Variants in PSTPIP1 observed in about 807,000 individuals in gnomAD.
PSTPIP1 encodes the protein proline-serine-threonine phosphatase interacting protein 1, also known as proline-serine-threonine phosphatase-interacting protein 1.
PSTPIP1 carries 66 observed loss-of-function variants against 69.6 expected under a neutral mutation model. The observed-to-expected ratio is 0.95, with a 90% CI of 0.78 to 1.16. The LOEUF is 1.16. Among genes scored for constraint, PSTPIP1 ranks in the 50% most tolerant of loss-of-function variants. PSTPIP1 has a pLI of 0.00. For missense variants in PSTPIP1, 603 were observed against 557.4 expected (o/e 1.08, Z -0.82); for synonymous variants, 266 against 222.7 (o/e 1.19, Z -1.73).
At position 77,030,527 on chromosome 15, in the gene PSTPIP1, G is replaced by A. The variant is rs558627384; in HGVS notation, c.588G>A (p.Ala196=). The A allele has an allele frequency of 2.7e-5, 44 of 1,612,596 alleles. No individual in the cohort carries two copies. The highest frequency in any genetic ancestry group is 3.4e-5 in the Non-Finnish European group (40 of 1,179,558). The change falls in exon 9 of 15, where the codon GCG becomes GCA. Residue 196 remains alanine, a synonymous_variant. Coordinates refer to ENST00000558012, the MANE Select transcript of PSTPIP1 (RefSeq NM_003978.5). ...EAERVYRQSI[A]QLEKVRAEWE... ...AGCGGGTATACAGGCAGAGCATTGC[G>A]CAGCTGGAGAAGGTCCGGGCTGAGT...
chr15:77,028,422 T>C lies in PSTPIP1; in HGVS notation c.418-132T>C, dbSNP rs573679707. On this transcript the variant is annotated intron_variant, in intron 6 of 14. Coordinates refer to ENST00000558012, the MANE Select transcript of PSTPIP1 (RefSeq NM_003978.5). ...TTCCGGACCCCCAGATCCCTGTCCC[T>C]GGTGAGGATGCCCCCACTCCACCCG... The C allele has an allele frequency of 4.5e-6, 3 of 670,100 alleles. No homozygotes were observed. The African/African-American group carries it at 5.5e-5, about 12-fold the overall frequency. The allele number at this position is 670,100 out of a possible 1,614,324, so 41.5% of individuals were successfully genotyped here.
Position 77,024,731 on chromosome 15 carries a change from TCCC to T in PSTPIP1, c.213-552_213-550del, listed in dbSNP as rs2152683317. On this transcript the variant is annotated intron_variant, in intron 3 of 14. Transcript: ENST00000558012. ...CTATGCGCAGTGCTGGGCCCTTCCC[TCCC>T]TCCCTCCCTCCCTCCCTCCCTGGCA... Among the ~76,000 whole-genome samples, 3 of 11,898 alleles carry T rather than the reference TCCC, an allele frequency of 2.5e-4. 1 individual carries two copies. The East Asian group carries it at 0.011, about 45-fold the overall frequency. The allele number at this position is 11,898 out of a possible 152,430, so 7.8% of individuals were successfully genotyped here. A position where few individuals can be genotyped will look rare whatever the true frequency, so the allele number is the denominator to read the frequency against.
intron 1 of PSTPIP1, among the ~76,000 whole-genome samples, chr15:77,003,965 A>C (rs964808560): frequency 6.6e-6 from 1 of 152,256 alleles, no homozygotes; most frequent in African/African-American, 2.4e-5. Context: ...TTGCTGTTTC[A>C]GAATGCCTCC....
chr15:77,024,818 C>T (rs1165872079), intron 3 of PSTPIP1, among the ~76,000 whole-genome samples: 1 of 152,022 alleles, frequency 6.6e-6, no homozygotes, highest in African/African-American at 2.4e-5. Context: ...CACGGCCATC[C>T]AACCTCCTCC....
rs2075554505 is a variant in PSTPIP1 at position 76,995,407 on chromosome 15, G to C, written c.-167G>C. ...GTTGAGCTTTTTCCTCCCCTCAGAA[G>C]CTCCTCTCTGGCTCGTGGCTGCCTT... is the stretch of plus-strand genomic sequence containing the variant. On this transcript the variant is annotated 5_prime_UTR_variant, in exon 1 of 15. Coordinates refer to ENST00000558012, the MANE Select transcript of PSTPIP1 (RefSeq NM_003978.5). The C allele has an allele frequency of 2.0e-6, 3 of 1,468,426 alleles. No individual in the cohort carries two copies. In the African/African-American group the frequency reaches 4.2e-5, roughly 21 times the overall value. 91.0% of individuals were successfully genotyped at this position (1,468,426 alleles called of 1,614,324 possible). A position where few individuals can be genotyped will look rare whatever the true frequency, so the allele number is the denominator to read the frequency against.
intron 3 of PSTPIP1, among the ~76,000 whole-genome samples, chr15:77,020,292 C>A (rs572766839): frequency 6.6e-6 from 1 of 152,242 alleles, no homozygotes; most frequent in East Asian, 1.9e-4. Flanking sequence ...CCTGACTTAT[C>A]CTTTGTGTGG....
At chr15:76,999,124 AG>A (rs745356789) in intron 1 of PSTPIP1, among the ~76,000 whole-genome samples, 25 of 152,202 alleles carry the variant, frequency 1.6e-4, no homozygotes, top group Non-Finnish European at 3.2e-4. Context: ...CACTCCCAGC[AG>A]GTGGCCAAAT....
chr15:77,018,440 T>C lies in PSTPIP1; in HGVS notation c.138-17T>C. The C allele has an allele frequency of 6.4e-7, 1 of 1,566,748 alleles. No homozygotes were observed. The highest frequency in any genetic ancestry group is 8.7e-7 in the Non-Finnish European group (1 of 1,155,368). ...GGCAAGTCACTGATGATCTTTCAAA[T>C]GCCCTTTTTTTTGCAGGGCCCAGGC... On this transcript the variant is annotated splice_polypyrimidine_tract_variant and intron_variant, in intron 2 of 14. Coordinates refer to ENST00000558012, the MANE Select transcript of PSTPIP1 (RefSeq NM_003978.5).
intron 1 of PSTPIP1, among the ~76,000 whole-genome samples, chr15:77,000,225 G>A (rs913321615): frequency 6.6e-6 from 1 of 152,174 alleles, no homozygotes; most frequent in African/African-American, 2.4e-5. Flanking sequence ...GGACCAGCTG[G>A]GCTGGTCTGC....
intron 7 of PSTPIP1, 52 bp from the exon 8 acceptor site, chr15:77,029,477 G>T: frequency 6.5e-7 from 1 of 1,549,852 alleles, no homozygotes; most frequent in South Asian, 1.2e-5. Flanking sequence ...GCTGGGGTGG[G>T]CCCTGGCTCC....
intron 1 of PSTPIP1, among the ~76,000 whole-genome samples, chr15:77,003,296 C>A (rs2075748674): frequency 6.6e-6 from 1 of 151,858 alleles, no homozygotes; most frequent in Non-Finnish European, 1.5e-5. Context: ...GAGCATGATG[C>A]CCTGGGCCCT....
Position 77,037,076 on chromosome 15 carries a change from A to C in PSTPIP1, c.1151A>C (p.Asp384Ala). Residue 384 changes from aspartate to alanine, a missense_variant, in exon 15 of 15, where the codon GAC (aspartate) becomes GCC (alanine). Transcript: ENST00000558012. ...GATGAGCTGGACCTGTCCGCGGGAG[A>C]CATCCTGGAGGTGATCCTGGAAGGG... ...NPDELDLSAG[D>A]ILEVILEGED... 1 of 1,612,240 alleles carries C rather than the reference A, an allele frequency of 6.2e-7. No individual in the cohort carries two copies. Among genetic ancestry groups the C allele is most frequent in the African/African-American group, 1.3e-5 (1 of 75,004 alleles).
chr15:77,016,009 G>T (rs1338664669), intron 1 of PSTPIP1: 8 of 456,156 alleles, frequency 1.8e-5, no homozygotes, highest in Non-Finnish European at 3.5e-5. Flanking sequence ...GGTTCGGTTT[G>T]CTTCTCTTTC....
intron 1 of PSTPIP1, among the ~76,000 whole-genome samples, chr15:77,011,987 A>C (rs972078239): frequency 3.3e-5 from 5 of 151,938 alleles, no homozygotes; most frequent in African/African-American, 1.2e-4. Context: ...CCCCACAGAG[A>C]TCTCCAGGTG....
chr15:76,997,014 C>T (rs1358698790), intron 1 of PSTPIP1, among the ~76,000 whole-genome samples: 2 of 152,224 alleles, frequency 1.3e-5, no homozygotes, highest in South Asian at 4.1e-4. Context: ...GACCTCTGTC[C>T]AGTCCTAGAG....
intron 10 of PSTPIP1, 128 bp downstream of exon 10, chr15:77,031,406 A>T: frequency 1.0e-6 from 1 of 961,030 alleles, no homozygotes; most frequent in Non-Finnish European, 1.6e-6. Context: ...CAGGGGTCTC[A>T]GGCCTCAGCA....
At chr15:77,032,831 C>T (rs764043431) in intron 11 of PSTPIP1, 31 bp from the exon 12 acceptor site, 246 of 1,536,204 alleles carry the variant, frequency 1.6e-4, no homozygotes, top group Non-Finnish European at 2.0e-4. Flanking sequence ...TGTTGGGGGC[C>T]GCCCTGGGGC....
At chr15:77,035,017 G>A (rs907567836) in intron 12 of PSTPIP1, among the ~76,000 whole-genome samples, 2 of 152,236 alleles carry the variant, frequency 1.3e-5, no homozygotes, top group Non-Finnish European at 2.9e-5. Context: ...CCCAGGCAGT[G>A]GAGGCCTCAG....
In PSTPIP1 at chr15:77,018,544, G is replaced by C; in HGVS notation, c.212+13G>C. ...AGACGGAGATCAAGTAAGATCTCCC[G>C]GGCCCTGGGGCTCACTCCTCTCCTC... On this transcript the variant is annotated intron_variant, in intron 3 of 14. Coordinates refer to ENST00000558012, the MANE Select transcript of PSTPIP1 (RefSeq NM_003978.5). 2 of 1,547,036 alleles carry C rather than the reference G, an allele frequency of 1.3e-6. No individual in the cohort carries two copies. Among genetic ancestry groups the C allele is most frequent in the Non-Finnish European group, 8.7e-7 (1 of 1,144,704 alleles).
Sources: allele counts gnomAD v4.1 joint callset (sites outside exome capture counted in the v4.1 genomes callset), GRCh38; gene constraint gnomAD v4.1.1; transcripts MANE v1.5; gene names NCBI Gene and HGNC (gene_info 2026-07-23, HGNC 2026-07-21).